PCDHGB5: variants seen among roughly 807,000 people sequenced by gnomAD.
The protein encoded by PCDHGB5 is protocadherin gamma subfamily B, 5.
Under a neutral mutation model 62.9 loss-of-function variants are expected in PCDHGB5, and 48 were observed. That is an observed-to-expected ratio of 0.76 (90% CI 0.61 to 0.97). The LOEUF (loss-of-function observed/expected upper bound fraction) is 0.97, where lower values mean the gene tolerates loss of function less well. Ranked by LOEUF, PCDHGB5 falls within the 50% of genes least tolerant of loss-of-function variation. The pLI is 0.00. For missense variants in PCDHGB5, 1,118 were observed against 1,198.6 expected (o/e 0.93, Z 0.99); for synonymous variants, 474 against 511.2 (o/e 0.93, Z 0.98).
rs370932300 is a variant in PCDHGB5, at chr5:141,459,955, G to A, written c.2398-34852G>A. Among the ~76,000 whole-genome samples, 15 of 152,316 alleles carry A rather than the reference G, an allele frequency of 9.8e-5. No homozygotes were observed. The East Asian group carries it at 2.3e-3, about 24-fold the overall frequency. The stretch of plus-strand genomic sequence containing the variant: ...TAGCTGGGCGTGATGGCAGGTGCCT[G>A]TAATCCCAGCTACTCAGGAGGCTGA... On this transcript the variant is annotated intron_variant, in intron 1 of 3. Coordinates refer to ENST00000617380, the MANE Select transcript of PCDHGB5 (RefSeq NM_018925.3).
intron 2 of PCDHGB5, among the ~76,000 whole-genome samples, chr5:141,497,984 C>G (rs2099780951): frequency 6.6e-6 from 1 of 152,194 alleles, no homozygotes; most frequent in South Asian, 2.1e-4. Flanking sequence ...TGGGAGGCCC[C>G]TGCCCTCAAG....
chr5:141,506,207 TTGGGAAGCTGAG>T (rs1487107822), intron 3 of PCDHGB5, among the ~76,000 whole-genome samples: 1 of 152,020 alleles, frequency 6.6e-6, no homozygotes, highest in Non-Finnish European at 1.5e-5. Flanking sequence ...TCCCAGCACT[TTGGGAAGCTGAG>T]GCAGGAGGAT....
intron 1 of PCDHGB5, chr5:141,410,045 G>A (rs962300160): frequency 1.9e-6 from 3 of 1,613,048 alleles, no homozygotes; most frequent in African/African-American, 1.3e-5. Context: ...CAGTGAGCCC[G>A]GACTCTTCAG....
intron 2 of PCDHGB5, among the ~76,000 whole-genome samples, chr5:141,497,832 G>A (rs1326640712): frequency 1.3e-5 from 2 of 151,992 alleles, no homozygotes; most frequent in Non-Finnish European, 2.9e-5. Context: ...GATCGCCCCC[G>A]GCCACAACAA....
At chr5:141,451,624 G>A (rs1016417101) in intron 1 of PCDHGB5, among the ~76,000 whole-genome samples, 3 of 152,150 alleles carry the variant, frequency 2.0e-5, no homozygotes, top group African/African-American at 7.2e-5. Context: ...GCTCAAACCT[G>A]TAATTCCAGC....
At chr5:141,502,074 C>G (rs73794927) in intron 2 of PCDHGB5, among the ~76,000 whole-genome samples, 1,657 of 152,272 alleles carry the variant, frequency 0.011, 27 homozygotes, top group African/African-American at 0.037. Flanking sequence ...CCCCCTTCAC[C>G]TGGGGCTGAG....
intron 1 of PCDHGB5, among the ~76,000 whole-genome samples, chr5:141,438,019 G>A (rs1031334687): frequency 1.3e-5 from 2 of 152,104 alleles, no homozygotes; most frequent in Non-Finnish European, 2.9e-5. Context: ...GAGATTACAG[G>A]TGTGAGCCAC....
chr5:141,425,371 G>T (rs1396857898), intron 1 of PCDHGB5, among the ~76,000 whole-genome samples: 3 of 152,186 alleles, frequency 2.0e-5, no homozygotes, highest in African/African-American at 7.2e-5. Context: ...AGAGGGTTAT[G>T]TTGATTCGGA....
rs772884830 is a variant in PCDHGB5 at position 141,491,791 on chromosome 5, C to T, written c.2398-3016C>T. ...TAAGGGATTGAACTTGCATCCACTCCTCTCCGGCCGGCTTGGTCGCTGGCT... is the reference window on the plus strand; with the variant it reads ...TAAGGGATTGAACTTGCATCCACTCTTCTCCGGCCGGCTTGGTCGCTGGCT... On this transcript the variant is annotated intron_variant, in intron 1 of 3. Coordinates refer to ENST00000617380, the MANE Select transcript of PCDHGB5 (RefSeq NM_018925.3). This position sits in a 1 kb window ranked among gnomAD's most constrained non-coding sequence, Gnocchi z 6.9. The T allele has an allele frequency of 3.3e-6, 5 of 1,518,376 alleles. No homozygotes were observed. In the African/African-American group the frequency reaches 4.2e-5, roughly 13 times the overall value. The allele number at this position is 1,518,376 out of a possible 1,614,324, so 94.1% of individuals were successfully genotyped here.
intron 1 of PCDHGB5, chr5:141,419,170 C>G: frequency 6.2e-7 from 1 of 1,613,966 alleles, no homozygotes; most frequent in South Asian, 1.1e-5. Flanking sequence ...CCAGCAAAAC[C>G]ATAACCCTGC....
rs752195462 is a variant in PCDHGB5 at position 141,399,667 on chromosome 5, C to T, written c.1540C>T (p.Arg514Cys). 2 of 1,613,634 alleles carry T rather than the reference C, an allele frequency of 1.2e-6. No individual in the cohort carries two copies. Among genetic ancestry groups the T allele is most frequent in the Non-Finnish European group, 8.5e-7 (1 of 1,179,890 alleles). The part of the protein sequence containing the change: ...SAQSGVVFAQ[R>C]AFDYEQLRTF... ...GCAAAGTGGGGTGGTGTTCGCGCAG[C>T]GCGCCTTTGACTACGAGCAGCTGCG... is the stretch of plus-strand genomic sequence containing the variant. Residue 514 changes from arginine to cysteine, a missense_variant, in exon 1 of 4, where the codon CGC becomes TGC. Physicochemically the swap from Arg to Cys is radical, Grantham distance 180. This residue lies in a region of PCDHGB5 where 1,034 missense variants were observed against 1,029.1 expected (regional missense o/e 1.00). Transcript: ENST00000617380.
rs202065305 is a variant in PCDHGB5 at position 141,410,175 on chromosome 5, C to A, written c.2397+9651C>A. 1.1e-5 allele frequency: 17 copies of A among 1,613,752 alleles called. No homozygotes were observed. In the African/African-American group the frequency reaches 2.1e-4, roughly 20 times the overall value. ...GGACAGCCGCCACTCTCTGCCACCG[C>A]CACGCTTCATCTGGTCTTCGCAGAC... On this transcript the variant is annotated intron_variant, in intron 1 of 3. Transcript: ENST00000617380.
intron 1 of PCDHGB5, chr5:141,478,197 T>G (rs2099437910): frequency 6.2e-7 from 1 of 1,613,956 alleles, no homozygotes; most frequent in Admixed American, 1.7e-5. Context: ...ACCTTTTATC[T>G]ACTTCTTTCT....
chr5:141,419,481 C>T (rs2096389716), intron 1 of PCDHGB5: 1 of 1,612,422 alleles, frequency 6.2e-7, no homozygotes, highest in East Asian at 2.2e-5. Flanking sequence ...GGCTCGCCCG[C>T]GCTCAGCGCC....
At chr5:141,438,591 CATAT>C (rs946798767) in intron 1 of PCDHGB5, among the ~76,000 whole-genome samples, 213 of 75,464 alleles carry the variant, frequency 2.8e-3, no homozygotes, top group African/African-American at 5.5e-3. Flanking sequence ...TACATACATA[CATAT>C]ATATATATAT....
rs1225473275 is a variant in PCDHGB5 at position 141,512,442 on chromosome 5, TC to T, written c.*1271del. ...GGCCCCTGCCCTCCTGAAGCCTCAG[TC>T]CTTCACCTTGCCAGGTGCCGTTTCT... is the stretch of plus-strand genomic sequence containing the variant. On this transcript the variant is annotated 3_prime_UTR_variant, in exon 4 of 4. Transcript: ENST00000617380. 1 of 152,892 alleles carries T rather than the reference TC, an allele frequency of 6.5e-6. No individual in the cohort carries two copies. Among genetic ancestry groups the T allele is most frequent in the African/African-American group, 2.4e-5 (1 of 41,466 alleles). 9.5% of individuals were successfully genotyped at this position (152,892 alleles called of 1,614,324 possible).
At position 141,476,827 on chromosome 5, in the gene PCDHGB5, G is replaced by A; in HGVS notation, c.2398-17980G>A. On this transcript the variant is annotated intron_variant, in intron 1 of 3. Transcript: ENST00000617380. The surrounding 1 kb of genome is among the most constrained non-coding windows in gnomAD (Gnocchi z 7.6). ...CTATTCACATCAAGGTGCTGGACGC[G>A]AATGACAATGCGCCTGTCTTCAACC... The A allele has an allele frequency of 1.2e-6, 2 of 1,613,542 alleles. No individual in the cohort carries two copies. Among genetic ancestry groups the A allele is most frequent in the Non-Finnish European group, 1.7e-6 (2 of 1,180,046 alleles).
intron 1 of PCDHGB5, chr5:141,415,740 G>GTTTTTTGT (rs2095911797): frequency 1.9e-6 from 1 of 515,998 alleles, no homozygotes; most frequent in East Asian, 8.3e-5. Flanking sequence ...GTTTATTAAG[G>GTTTTTTGT]TTTTTTTTTT....
intron 1 of PCDHGB5, chr5:141,419,148 C>A: frequency 6.2e-7 from 1 of 1,613,940 alleles, no homozygotes; most frequent in Admixed American, 1.7e-5. Flanking sequence ...AGGGGCAAGC[C>A]TCCGTTATCC....
Sources: allele counts gnomAD v4.1 joint callset (sites outside exome capture counted in the v4.1 genomes callset), GRCh38; gene constraint gnomAD v4.1.1; regional missense constraint gnomAD v4.1.1; non-coding constraint Gnocchi (gnomAD v3.1); transcripts MANE v1.5; gene names NCBI Gene and HGNC (gene_info 2026-07-23, HGNC 2026-07-21).